GRM5: variants seen among roughly 807,000 people sequenced by gnomAD.
GRM5 encodes the protein glutamate metabotropic receptor 5.
Under a neutral mutation model 83.1 loss-of-function variants are expected in GRM5, and 19 were observed. The observed-to-expected ratio is 0.23, with a 90% CI of 0.16 to 0.34. The LOEUF (loss-of-function observed/expected upper bound fraction) is 0.34. Ranked by LOEUF, GRM5 falls within the 10% of genes least tolerant of loss-of-function variation. GRM5 has a pLI of 1.00. For synonymous variants in GRM5, 675 were observed against 633.6 expected, an observed-to-expected ratio of 1.07 and a Z score of -0.98; for missense variants, 1,160 against 1,588.3, an observed-to-expected ratio of 0.73 and a Z score of 4.58.
At chr11:88,919,406 G>A (rs552283810) in intron 2 of GRM5, among the ~76,000 whole-genome samples, 4 of 150,372 alleles carry the variant, frequency 2.7e-5, no homozygotes, top group Admixed American at 6.6e-5. Flanking sequence ...TAAAACAAAC[G>A]TTATAAGAGC....
intron 8 of GRM5, 76 bp from the exon 9 acceptor site, chr11:88,525,480 C>G (rs190241359): frequency 2.2e-6 from 2 of 907,892 alleles, no homozygotes; most frequent in African/African-American, 1.6e-5. Flanking sequence ...GAGGAACGGC[C>G]GTGACTGTGG....
At chr11:88,921,705 G>T (rs576843968) in intron 2 of GRM5, among the ~76,000 whole-genome samples, 19 of 152,026 alleles carry the variant, frequency 1.2e-4, no homozygotes, top group Non-Finnish European at 1.6e-4. Flanking sequence ...AACAAGATAA[G>T]GATGCCTACT....
chr11:88,753,823 G>A (rs1942336031), intron 3 of GRM5, among the ~76,000 whole-genome samples: 1 of 152,044 alleles, frequency 6.6e-6, no homozygotes, highest in South Asian at 2.1e-4. Context: ...CATGGCTGAG[G>A]AGGCCTCACA....
chr11:88,773,849 CT>C (rs2135452978), intron 3 of GRM5, among the ~76,000 whole-genome samples: 1 of 152,318 alleles, frequency 6.6e-6, no homozygotes, highest in Non-Finnish European at 1.5e-5. Flanking sequence ...GTTTTGGTTA[CT>C]GTAGCCTTGT....
At position 88,863,943 on chromosome 11, in the gene GRM5, G is replaced by T. The variant is rs182016571; in HGVS notation, c.662-13788C>A. 7.3e-4 allele frequency among the ~76,000 whole-genome samples: 110 copies of T among 151,442 alleles called. 1 individual carries two copies. Among genetic ancestry groups the T allele is most frequent in the Middle Eastern group, 3.4e-3 (1 of 294 alleles). ...CTTTGAAGGGACCACTGACTTAACT[G>T]GCTATAATAGAGACTCCCTTTTTAT... On this transcript the variant is annotated intron_variant, in intron 2 of 9. Transcript: ENST00000305447.
Position 88,893,835 on chromosome 11 carries a change from T to C in GRM5, c.662-43680A>G, listed in dbSNP as rs543206450. Among the ~76,000 whole-genome samples, 3 of 152,082 alleles carry C rather than the reference T, an allele frequency of 2.0e-5. No individual in the cohort carries two copies. In the East Asian group the frequency reaches 5.8e-4, roughly 29 times the overall value. ...AGAAAGAGTCATCATCCAACACCCCTTAACAGCAGTTAGGGTTACCACTCC... is the reference window on the plus strand; with the variant it reads ...AGAAAGAGTCATCATCCAACACCCCCTAACAGCAGTTAGGGTTACCACTCC... On this transcript the variant is annotated intron_variant, in intron 2 of 9. Transcript: ENST00000305447.
intron 2 of GRM5, among the ~76,000 whole-genome samples, chr11:88,981,635 T>C (rs1393032828): frequency 6.6e-6 from 1 of 151,206 alleles, no homozygotes; most frequent in Non-Finnish European, 1.5e-5. Flanking sequence ...CCCCCCACCT[T>C]GCCATAAACA....
intron 3 of GRM5, among the ~76,000 whole-genome samples, chr11:88,670,054 C>G (rs1430672662): frequency 6.6e-6 from 1 of 151,892 alleles, no homozygotes. Context: ...GAAAATTAGA[C>G]ATAATTTGTT....
At chr11:89,003,496 A>T (rs1940444756) in intron 2 of GRM5, among the ~76,000 whole-genome samples, 1 of 152,138 alleles carries the variant, frequency 6.6e-6, no homozygotes, top group African/African-American at 2.4e-5. Flanking sequence ...GAATGCAAAA[A>T]ATGGGGATTC....
chr11:88,880,423 A>T (rs1944933102), intron 2 of GRM5, among the ~76,000 whole-genome samples: 1 of 152,178 alleles, frequency 6.6e-6, no homozygotes, highest in Admixed American at 6.6e-5. Context: ...AATATGTATT[A>T]GTCAGCTCTT....
chr11:88,563,115 G>A (rs1050616901), intron 8 of GRM5, among the ~76,000 whole-genome samples: 4 of 152,168 alleles, frequency 2.6e-5, no homozygotes, highest in African/African-American at 7.2e-5. Context: ...ATTCTAAAAG[G>A]TTGAGGTAGC....
At chr11:88,851,179 T>C (rs1944384679) in intron 2 of GRM5, among the ~76,000 whole-genome samples, 1 of 152,172 alleles carries the variant, frequency 6.6e-6, no homozygotes, top group Non-Finnish European at 1.5e-5. Context: ...CATTTCAGAG[T>C]GACAATTCTC....
intron 4 of GRM5, among the ~76,000 whole-genome samples, chr11:88,629,766 A>C (rs1049911757): frequency 6.6e-6 from 1 of 152,148 alleles, no homozygotes; most frequent in African/African-American, 2.4e-5. Flanking sequence ...TGATAATCAG[A>C]CAATCTGCTT....
chr11:88,555,503 C>T (rs558604871), intron 8 of GRM5, among the ~76,000 whole-genome samples: 1 of 152,258 alleles, frequency 6.6e-6, no homozygotes, highest in African/African-American at 2.4e-5. Flanking sequence ...TTTGGAAGAA[C>T]ATGGCCAATG....
intron 3 of GRM5, among the ~76,000 whole-genome samples, chr11:88,791,182 A>T (rs1943166109): frequency 6.6e-6 from 1 of 152,170 alleles, no homozygotes; most frequent in Non-Finnish European, 1.5e-5. Context: ...ATCTACTCTC[A>T]TTGTTTTCAA....
intron 2 of GRM5, among the ~76,000 whole-genome samples, chr11:88,865,585 C>A (rs1218140939): frequency 6.6e-6 from 1 of 151,996 alleles, no homozygotes; most frequent in African/African-American, 2.4e-5. Context: ...TAAAGACCTT[C>A]TGCACAGCAA....
chr11:88,711,868 G>C (rs991211901), intron 3 of GRM5, among the ~76,000 whole-genome samples: 17 of 152,162 alleles, frequency 1.1e-4, no homozygotes, highest in African/African-American at 4.1e-4. Context: ...CAGAGAGAGA[G>C]AGAAAGAGAT....
At chr11:88,961,893 T>C (rs1938795935) in intron 2 of GRM5, among the ~76,000 whole-genome samples, 1 of 152,218 alleles carries the variant, frequency 6.6e-6, no homozygotes, top group Admixed American at 6.5e-5. Flanking sequence ...AAATTAGAAC[T>C]GGCTGAGAAT....
chr11:88,700,775 G>T (rs572329319), intron 3 of GRM5, among the ~76,000 whole-genome samples: 1 of 152,078 alleles, frequency 6.6e-6, no homozygotes, highest in African/African-American at 2.4e-5. Context: ...TACACATTTG[G>T]CACCTACCAG....
Sources: gnomAD v4.1 joint callset for allele counts (sites outside exome capture counted in the v4.1 genomes callset) on GRCh38, gnomAD v4.1.1 for gene constraint, MANE v1.5 for transcripts, NCBI Gene and HGNC (gene_info 2026-07-23, HGNC 2026-07-21) for gene names.